CADM2: variants seen among roughly 807,000 people sequenced by gnomAD.
CADM2 encodes the protein cell adhesion molecule 2.
Under a neutral mutation model 49.8 loss-of-function variants are expected in CADM2, and 12 were observed. That is an observed-to-expected ratio of 0.24 (90% CI 0.15 to 0.39). The LOEUF (loss-of-function observed/expected upper bound fraction) is 0.39. Ranked by LOEUF, CADM2 falls within the 10% of genes least tolerant of loss-of-function variation. The probability of loss-of-function intolerance (pLI) is 1.00; values close to 1 mark genes in which losing one functional copy is unlikely to be tolerated. For missense variants in CADM2, 378 were observed against 492.3 expected, an observed-to-expected ratio of 0.77 and a Z score of 2.20; for synonymous variants, 214 against 175.4, an observed-to-expected ratio of 1.22 and a Z score of -1.74.
At chr3:85,320,666 C>T (rs1018865799) in intron 1 of CADM2, among the ~76,000 whole-genome samples, 1 of 152,132 alleles carries the variant, frequency 6.6e-6, no homozygotes, top group Non-Finnish European at 1.5e-5. Context: ...ACATACTTCC[C>T]TTTAAGTATT....
chr3:85,974,572 T>G (rs1726546120), intron 8 of CADM2, among the ~76,000 whole-genome samples: 1 of 151,666 alleles, frequency 6.6e-6, no homozygotes, highest in Non-Finnish European at 1.5e-5. Flanking sequence ...GGAGAGATGA[T>G]GGACTGATGA....
At chr3:85,898,955 A>ATATATATATATATTTT (rs1475991339) in intron 5 of CADM2, among the ~76,000 whole-genome samples, 2 of 33,914 alleles carry the variant, frequency 5.9e-5, no homozygotes, top group African/African-American at 2.9e-4. Flanking sequence ...ATATATATAT[A>ATATATATATATATTTT]TTTTTTTTTT....
chr3:85,212,884 T>TCTCTCTCTCTCTCTCTC (rs1237101392), intron 1 of CADM2, among the ~76,000 whole-genome samples: 2 of 78,668 alleles, frequency 2.5e-5, no homozygotes, highest in Admixed American at 1.4e-4. Context: ...CTTTCTTTCT[T>TCTCTCTCTCTCTCTCTC]TCTCTTTCTT....
intron 2 of CADM2, among the ~76,000 whole-genome samples, chr3:85,756,269 GTCA>G (rs1222015421): frequency 6.6e-6 from 1 of 152,006 alleles, no homozygotes; most frequent in Non-Finnish European, 1.5e-5. Context: ...CTCGAATAAT[GTCA>G]TCATCATGTC....
At chr3:85,290,636 C>A (rs2043763691) in intron 1 of CADM2, among the ~76,000 whole-genome samples, 1 of 152,224 alleles carries the variant, frequency 6.6e-6, no homozygotes, top group Admixed American at 6.5e-5. Context: ...TGACCCTTGA[C>A]CCCTGAGCTG....
At chr3:85,217,874 GA>G (rs2041963002) in intron 1 of CADM2, among the ~76,000 whole-genome samples, 1 of 151,986 alleles carries the variant, frequency 6.6e-6, no homozygotes, top group Non-Finnish European at 1.5e-5. Flanking sequence ...TTAAATCAAT[GA>G]TAAGAAATTA....
chr3:85,803,630 A>G (rs1488853502), intron 3 of CADM2, among the ~76,000 whole-genome samples: 1 of 152,112 alleles, frequency 6.6e-6, no homozygotes, highest in Non-Finnish European at 1.5e-5. Flanking sequence ...CTGGAGACCC[A>G]AAGAGATTCT....
intron 3 of CADM2, among the ~76,000 whole-genome samples, chr3:85,804,771 T>C (rs2072295970): frequency 6.6e-6 from 1 of 152,120 alleles, no homozygotes; most frequent in South Asian, 2.1e-4. Flanking sequence ...CAACTTGCCA[T>C]AAAAGATTTG....
chr3:85,931,422 G>A (rs913357613), intron 6 of CADM2, among the ~76,000 whole-genome samples: 1 of 151,936 alleles, frequency 6.6e-6, no homozygotes, highest in Non-Finnish European at 1.5e-5. Flanking sequence ...CAGCCTCGGG[G>A]ACAGAGTGAG....
intron 1 of CADM2, among the ~76,000 whole-genome samples, chr3:85,336,734 G>A (rs2045088163): frequency 6.7e-6 from 1 of 149,992 alleles, no homozygotes; most frequent in South Asian, 2.1e-4. Flanking sequence ...TTTTCCTTCT[G>A]AGAGTTAAAA....
chr3:85,348,454 G>A (rs2030995366), intron 1 of CADM2, among the ~76,000 whole-genome samples: 1 of 152,122 alleles, frequency 6.6e-6, no homozygotes, highest in African/African-American at 2.4e-5. Flanking sequence ...ACACATAAAA[G>A]TAACCAACAC....
At chr3:85,016,821 AAAG>A (rs2034270232) in intron 1 of CADM2, among the ~76,000 whole-genome samples, 1 of 152,094 alleles carries the variant, frequency 6.6e-6, no homozygotes, top group Non-Finnish European at 1.5e-5. Context: ...AAAGAAAAGA[AAAG>A]AAAGAAAGAA....
intron 1 of CADM2, among the ~76,000 whole-genome samples, chr3:85,422,574 G>A (rs905698754): frequency 6.6e-6 from 1 of 152,118 alleles, no homozygotes; most frequent in Non-Finnish European, 1.5e-5. Flanking sequence ...ACCTCACCCA[G>A]CCCAGTCTTT....
chr3:85,543,574 G>A (rs985732944), intron 1 of CADM2, among the ~76,000 whole-genome samples: 23 of 152,002 alleles, frequency 1.5e-4, no homozygotes, highest in African/African-American at 5.3e-4. Context: ...CTGAGCCACC[G>A]CACCTGGCCA....
intron 1 of CADM2, among the ~76,000 whole-genome samples, chr3:85,125,316 T>C (rs890107016): frequency 5.9e-5 from 9 of 151,894 alleles, no homozygotes; most frequent in South Asian, 4.1e-4. Context: ...AAGTGAACCA[T>C]AGCAGATATG....
chr3:85,044,244 G>A (rs577147221), intron 1 of CADM2, among the ~76,000 whole-genome samples: 2 of 152,276 alleles, frequency 1.3e-5, no homozygotes, highest in East Asian at 1.9e-4. Flanking sequence ...CCTATTAGGA[G>A]CAGTTGGCCA....
intron 1 of CADM2, among the ~76,000 whole-genome samples, chr3:85,474,105 A>G (rs778607845): frequency 7.9e-5 from 12 of 151,844 alleles, no homozygotes; most frequent in Admixed American, 2.0e-4. Context: ...CAATATTTGT[A>G]TTAGTTAGGG....
chr3:85,654,086 G>A (rs1168464276), intron 1 of CADM2, among the ~76,000 whole-genome samples: 1 of 152,208 alleles, frequency 6.6e-6, no homozygotes, highest in African/African-American at 2.4e-5. Context: ...ACTGGAGTGA[G>A]CCAAAGAGAA....
intron 1 of CADM2, among the ~76,000 whole-genome samples, chr3:85,053,574 A>C (rs572418232): frequency 6.6e-6 from 1 of 152,084 alleles, no homozygotes; most frequent in Non-Finnish European, 1.5e-5. Context: ...TTGGCAAATG[A>C]GCCATAGAGA....
Sources: allele counts gnomAD v4.1 joint callset (sites outside exome capture counted in the v4.1 genomes callset), GRCh38; gene constraint gnomAD v4.1.1; transcripts MANE v1.5; gene names NCBI Gene and HGNC (gene_info 2026-07-23, HGNC 2026-07-21).